The following WNK1 variants were observed in gnomAD, a reference collection of about 807,000 sequenced individuals.
The protein encoded by WNK1 is WNK lysine deficient protein kinase 1, also known as serine/threonine-protein kinase WNK1.
Under a neutral mutation model 222.8 loss-of-function variants are expected in WNK1, and 38 were observed. The ratio of observed to expected loss-of-function variants is 0.17; its 90% CI spans 0.13 to 0.22. WNK1 has a LOEUF of 0.22. Among genes scored for constraint, WNK1 ranks in the 10% least tolerant of loss-of-function variants. The probability of loss-of-function intolerance (pLI) is 1.00; values close to 1 mark genes in which losing one functional copy is unlikely to be tolerated. For missense variants in WNK1, 2,348 were observed against 2,918.4 expected, an observed-to-expected ratio of 0.80 and a Z score of 4.50; for synonymous variants, 1,090 against 1,092.9, an observed-to-expected ratio of 1.00 and a Z score of 0.05.
At chr12:848,496 C>CTTTTTTTTTTTTTTTTT (rs10644583) in intron 4 of WNK1, among the ~76,000 whole-genome samples, 1 of 99,258 alleles carries the variant, frequency 1.0e-5, no homozygotes, top group South Asian at 3.8e-4. Flanking sequence ...CCAGTAAAAA[C>CTTTTTTTTTTTTTTTTT]TTTTTTTTTT....
At chr12:866,706 G>A (rs1211381690) in intron 8 of WNK1, among the ~76,000 whole-genome samples, 1 of 144,002 alleles carries the variant, frequency 6.9e-6, no homozygotes, top group African/African-American at 2.5e-5. Context: ...GGCAAGCTGT[G>A]TTTCTAAATT....
intron 26 of WNK1, chr12:906,776 A>C: frequency 3.0e-6 from 3 of 984,010 alleles, no homozygotes; most frequent in African/African-American, 1.7e-5. Context: ...ATGGTGGCTC[A>C]CACCTGTAAT....
intron 8 of WNK1, among the ~76,000 whole-genome samples, chr12:862,699 A>C (rs1951310945): frequency 6.6e-6 from 1 of 152,230 alleles, no homozygotes. Context: ...AGAATGCTGC[A>C]TGTGAGTACT....
At chr12:876,860 A>G (rs1952663953) in intron 9 of WNK1, among the ~76,000 whole-genome samples, 2 of 152,160 alleles carry the variant, frequency 1.3e-5, no homozygotes, top group Non-Finnish European at 2.9e-5. Flanking sequence ...CCACTTACGC[A>G]TAGAAAAAAA....
intron 4 of WNK1, among the ~76,000 whole-genome samples, chr12:842,957 A>G (rs566798535): frequency 5.5e-4 from 83 of 151,568 alleles, no homozygotes; most frequent in Non-Finnish European, 9.1e-4. Flanking sequence ...ATTTTTGGAG[A>G]CGGAGTCTCT....
At chr12:859,505 TA>T in intron 6 of WNK1, 41 bp downstream of exon 6, 2 of 1,474,222 alleles carry the variant, frequency 1.4e-6, no homozygotes, top group Non-Finnish European at 1.9e-6. Context: ...TTTAGACTTA[TA>T]TATATCAATA....
At chr12:870,774 A>G (rs889378464) in intron 8 of WNK1, among the ~76,000 whole-genome samples, 7 of 152,220 alleles carry the variant, frequency 4.6e-5, no homozygotes, top group Non-Finnish European at 7.3e-5. Context: ...CTGGATAGCA[A>G]TGATCGCCCT....
At chr12:774,021 A>G (rs1181492795) in intron 1 of WNK1, among the ~76,000 whole-genome samples, 1 of 152,120 alleles carries the variant, frequency 6.6e-6, no homozygotes, top group African/African-American at 2.4e-5. Context: ...GATGGCCATT[A>G]TTTCCCTGCA....
In WNK1 at chr12:884,038, G is replaced by A; in HGVS notation, c.3722-83G>A. 1 of 1,596,672 alleles carries A rather than the reference G, an allele frequency of 6.3e-7. No homozygotes were observed. The highest frequency in any genetic ancestry group is 8.6e-7 in the Non-Finnish European group (1 of 1,167,328). On this transcript the variant is annotated intron_variant, in intron 17 of 27. Coordinates refer to ENST00000315939, the MANE Select transcript of WNK1 (RefSeq NM_018979.4). This position sits in a 1 kb window ranked among gnomAD's most constrained non-coding sequence, Gnocchi z 5.6. ...ATGAGACCGTGCCTCAAAAAAAGCA[G>A]TTGTATGTGCCAATAATGAAGTCTA...
rs372795300 is a variant in WNK1, at chr12:753,658, C to T, written c.93C>T (p.Ser31=). 43 of 1,612,442 alleles carry T rather than the reference C, an allele frequency of 2.7e-5. 1 individual carries two copies. In the African/African-American group the frequency reaches 5.1e-4, roughly 19 times the overall value. ...CTGCCCCCAAGAATGGCTCCAGCTC[C>T]GATTCCTCCGTGGGGGAGAAACTGG... ...PAPAPKNGSS[S]DSSVGEKLGA... is the part of the protein sequence containing the mutation. The change falls in exon 1 of 28, where the codon TCC becomes TCT. Residue 31 remains serine, a synonymous_variant. Transcript: ENST00000315939. The surrounding 1 kb of genome is among the most constrained non-coding windows in gnomAD (Gnocchi z 5.2).
chr12:796,408 T>A (rs567798768), intron 1 of WNK1, among the ~76,000 whole-genome samples: 59 of 152,126 alleles, frequency 3.9e-4, no homozygotes, highest in Non-Finnish European at 7.1e-4. Context: ...CTTTCCTGTA[T>A]TACGCAATAA....
intron 1 of WNK1, among the ~76,000 whole-genome samples, chr12:770,621 A>T (rs1165078003): frequency 2.6e-5 from 4 of 152,216 alleles, no homozygotes; most frequent in Non-Finnish European, 5.9e-5. Context: ...CTTTTAAAAA[A>T]TATCTTAATA....
In WNK1 at chr12:868,117, G is replaced by A. The variant is rs752893391; in HGVS notation, c.2140-3148G>A. ...GCAGCCCAACTAACTGGACACCAGAGGCCGTAGTTATGTTGGGTACTACAG... is the reference window on the plus strand; with the variant it reads ...GCAGCCCAACTAACTGGACACCAGAAGCCGTAGTTATGTTGGGTACTACAG... On this transcript the variant is annotated intron_variant, in intron 8 of 27. Transcript: ENST00000315939. 9 of 1,614,014 alleles carry A rather than the reference G, an allele frequency of 5.6e-6. No homozygotes were observed. The highest frequency in any genetic ancestry group is 5.9e-6 in the Non-Finnish European group (7 of 1,179,900).
rs188084265 is a variant in WNK1 at position 875,970 on chromosome 12, T to G, written c.2224-2242T>G. 2.0e-3 allele frequency among the ~76,000 whole-genome samples: 308 copies of G among 152,356 alleles called. 2 individuals are homozygous for G. Among genetic ancestry groups the G allele is most frequent in the Middle Eastern group, 0.01 (3 of 294 alleles). Reference sequence around the variant, plus strand: ...AAAGGTTTTCTGGTTTTTTAGTTCCTTTTTCTCAGGTGGGAAATTAACAAA... The same window carrying G: ...AAAGGTTTTCTGGTTTTTTAGTTCCGTTTTCTCAGGTGGGAAATTAACAAA... On this transcript the variant is annotated intron_variant, in intron 9 of 27. Coordinates refer to ENST00000315939, the MANE Select transcript of WNK1 (RefSeq NM_018979.4).
At position 908,306 on chromosome 12, in the gene WNK1, T is replaced by C. The variant is rs1592280562; in HGVS notation, c.6832-169T>C. On this transcript the variant is annotated intron_variant, in intron 27 of 27. Coordinates refer to ENST00000315939, the MANE Select transcript of WNK1 (RefSeq NM_018979.4). ...CACACACGCACATGACATCCCTCCC[T>C]CTCATGAGGATTATTTTCACCCTTA... 11 of 799,012 alleles carry C rather than the reference T, an allele frequency of 1.4e-5. 1 individual carries two copies. In the Middle Eastern group the frequency reaches 1.2e-3, roughly 85 times the overall value. The allele number at this position is 799,012 out of a possible 1,614,324, so 49.5% of individuals were successfully genotyped here. A position where few individuals can be genotyped will look rare whatever the true frequency, so the allele number is the denominator to read the frequency against.
intron 1 of WNK1, among the ~76,000 whole-genome samples, chr12:785,713 T>A (rs1448563037): frequency 6.6e-6 from 1 of 152,122 alleles, no homozygotes; most frequent in Non-Finnish European, 1.5e-5. Context: ...TCCAGGTTCC[T>A]TTTTTTGGTT....
chr12:806,761 A>G (rs1021612583), intron 1 of WNK1, among the ~76,000 whole-genome samples: 4 of 152,186 alleles, frequency 2.6e-5, no homozygotes, highest in Admixed American at 6.5e-5. Flanking sequence ...ACATATATTG[A>G]GTCTTTGCTC....
chr12:755,311 T>C (rs10849556), intron 1 of WNK1, among the ~76,000 whole-genome samples: 19,222 of 152,236 alleles, frequency 0.13, 1,745 homozygotes, highest in East Asian at 0.46. Context: ...ATTATTGATA[T>C]AGTAATCTTG....
At chr12:807,331 C>T (rs1946459554) in intron 1 of WNK1, among the ~76,000 whole-genome samples, 1 of 150,510 alleles carries the variant, frequency 6.6e-6, no homozygotes, top group Non-Finnish European at 1.5e-5. Context: ...AATGAGTCCT[C>T]CCTCTTTTGC....
Sources: allele counts gnomAD v4.1 joint callset (sites outside exome capture counted in the v4.1 genomes callset), GRCh38; gene constraint gnomAD v4.1.1; non-coding constraint Gnocchi (gnomAD v3.1); transcripts MANE v1.5; gene names NCBI Gene and HGNC (gene_info 2026-07-23, HGNC 2026-07-21).